The following RABGAP1L variants were observed in gnomAD, a reference collection of about 807,000 sequenced individuals.
RABGAP1L encodes rab GTPase-activating protein 1-like.
RABGAP1L carries 63 observed loss-of-function variants against 137.7 expected under a neutral mutation model. That is an observed-to-expected ratio of 0.46 (90% confidence interval 0.37 to 0.56). The LOEUF (loss-of-function observed/expected upper bound fraction) is 0.56, where lower values mean the gene tolerates loss of function less well. Among genes scored for constraint, RABGAP1L ranks in the 20% least tolerant of loss-of-function variants. RABGAP1L has a pLI of 0.00. For synonymous variants in RABGAP1L, 431 were observed against 433.7 expected (o/e 0.99, Z 0.08); for missense variants, 1,095 against 1,244.0 (o/e 0.88, Z 1.80).
chr1:174,672,652 TATTTTC>T (rs1210258454), intron 14 of RABGAP1L, among the ~76,000 whole-genome samples: 3 of 152,112 alleles, frequency 2.0e-5, no homozygotes, highest in African/African-American at 4.8e-5. Context: ...TGGTATGTTG[TATTTTC>T]ATTTTCATTT....
chr1:174,281,196 G>A (rs1030421029), intron 10 of RABGAP1L, among the ~76,000 whole-genome samples: 1 of 152,114 alleles, frequency 6.6e-6, no homozygotes, highest in Non-Finnish European at 1.5e-5. Flanking sequence ...GGACCCGAGC[G>A]GGTTGCTGCT....
At chr1:174,320,396 T>C (rs1309944158) in intron 11 of RABGAP1L, among the ~76,000 whole-genome samples, 1 of 152,222 alleles carries the variant, frequency 6.6e-6, no homozygotes, top group East Asian at 1.9e-4. Context: ...TTTAGATTTA[T>C]GTACATCATG....
At chr1:174,184,274 CCA>C (rs1217172564) in intron 1 of RABGAP1L, among the ~76,000 whole-genome samples, 1 of 152,140 alleles carries the variant, frequency 6.6e-6, no homozygotes, top group Non-Finnish European at 1.5e-5. Flanking sequence ...TCTGGATGTA[CCA>C]CAGTCTGTCT....
chr1:174,205,817 G>T (rs977846598), intron 1 of RABGAP1L, among the ~76,000 whole-genome samples: 1 of 151,824 alleles, frequency 6.6e-6, no homozygotes, highest in African/African-American at 2.4e-5. Context: ...TGGTAGCTTT[G>T]GTGTTGATTT....
intron 3 of RABGAP1L, among the ~76,000 whole-genome samples, chr1:174,223,826 T>C (rs1669961259): frequency 6.6e-6 from 1 of 152,092 alleles, no homozygotes; most frequent in African/African-American, 2.4e-5. Flanking sequence ...GACTACAGAG[T>C]TACAGTGATT....
intron 1 of RABGAP1L, among the ~76,000 whole-genome samples, chr1:174,183,722 A>AT (rs1479805698): frequency 6.6e-6 from 1 of 152,162 alleles, no homozygotes; most frequent in Non-Finnish European, 1.5e-5. Flanking sequence ...TATTAGTATC[A>AT]TATGGAATGG....
chr1:174,248,750 T>C (rs1003166007), intron 5 of RABGAP1L, among the ~76,000 whole-genome samples: 20 of 152,218 alleles, frequency 1.3e-4, no homozygotes, highest in African/African-American at 4.6e-4. Flanking sequence ...TCTTCTGTTA[T>C]AGGGAGTATT....
chr1:174,442,272 T>G (rs1416432906), intron 13 of RABGAP1L, among the ~76,000 whole-genome samples: 1 of 152,060 alleles, frequency 6.6e-6, no homozygotes. Context: ...TGTTTGATTT[T>G]AATACTATTA....
At chr1:174,877,667 C>T in intron 19 of RABGAP1L, 2 of 1,517,646 alleles carry the variant, frequency 1.3e-6, no homozygotes, top group Non-Finnish European at 1.8e-6. Context: ...GATATCTATA[C>T]TCCTGTAGCA....
At chr1:174,330,945 AG>A (rs1392786323) in intron 11 of RABGAP1L, among the ~76,000 whole-genome samples, 4 of 152,208 alleles carry the variant, frequency 2.6e-5, no homozygotes, top group Non-Finnish European at 5.9e-5. Context: ...TCTACTACAA[AG>A]GTATATTAGC....
At chr1:174,247,331 G>A (rs747612630) in intron 5 of RABGAP1L, among the ~76,000 whole-genome samples, 3 of 152,164 alleles carry the variant, frequency 2.0e-5, no homozygotes, top group Non-Finnish European at 4.4e-5. Flanking sequence ...GCTTAAGTCC[G>A]GGAGTAGCCA....
At chr1:174,918,536 A>G (rs191496540) in intron 19 of RABGAP1L, among the ~76,000 whole-genome samples, 9 of 152,336 alleles carry the variant, frequency 5.9e-5, no homozygotes, top group Admixed American at 5.2e-4. Context: ...CAATCCCAGC[A>G]TTTTGGGTGG....
chr1:174,173,207 C>T (rs967409800), intron 1 of RABGAP1L, among the ~76,000 whole-genome samples: 51 of 151,592 alleles, frequency 3.4e-4, no homozygotes, highest in African/African-American at 1.1e-3. Context: ...CTCGGTTCAC[C>T]GTAACCTCTG....
intron 18 of RABGAP1L, among the ~76,000 whole-genome samples, chr1:174,802,010 T>C (rs528540355): frequency 6.6e-6 from 1 of 152,322 alleles, no homozygotes; most frequent in South Asian, 2.1e-4. Flanking sequence ...ACATTTTCAG[T>C]GTTTTGAAGG....
At chr1:174,275,310 A>G (rs977846913) in intron 8 of RABGAP1L, 2 of 152,184 alleles carry the variant, frequency 1.3e-5, no homozygotes, top group African/African-American at 2.4e-5. Flanking sequence ...ACATATAGAA[A>G]ATAGACAAGT....
chr1:174,663,925 A>G (rs1676569730), intron 14 of RABGAP1L, among the ~76,000 whole-genome samples: 1 of 152,148 alleles, frequency 6.6e-6, no homozygotes, highest in African/African-American at 2.4e-5. Context: ...CCCTAGGTGC[A>G]GTGCTGAAAT....
At chr1:174,891,959 A>G (rs1226746334) in intron 19 of RABGAP1L, among the ~76,000 whole-genome samples, 1 of 127,768 alleles carries the variant, frequency 7.8e-6, no homozygotes, top group East Asian at 1.9e-4. Flanking sequence ...TAATCTCCCT[A>G]TCCAAATAAT....
intron 13 of RABGAP1L, among the ~76,000 whole-genome samples, chr1:174,515,392 C>T (rs1336834831): frequency 6.6e-6 from 1 of 152,144 alleles, no homozygotes; most frequent in African/African-American, 2.4e-5. Context: ...TGTGCATGCA[C>T]ACACACTGAA....
At chr1:174,505,484 A>C (rs1299712728) in intron 13 of RABGAP1L, among the ~76,000 whole-genome samples, 2 of 151,438 alleles carry the variant, frequency 1.3e-5, no homozygotes, top group African/African-American at 4.8e-5. Flanking sequence ...TTTTTTGTAC[A>C]AAATGTGTTC....
Sources: gnomAD v4.1 joint callset for allele counts (sites outside exome capture counted in the v4.1 genomes callset) on GRCh38, gnomAD v4.1.1 for gene constraint, MANE v1.5 for transcripts, NCBI Gene and HGNC (gene_info 2026-07-23, HGNC 2026-07-21) for gene names.